Variants in HSF2 observed in about 807,000 individuals in gnomAD.
The protein encoded by HSF2 is heat shock factor protein 2.
Under a neutral mutation model 65.0 loss-of-function variants are expected in HSF2, and 21 were observed. The observed-to-expected ratio is 0.32, with a 90% CI of 0.23 to 0.47. HSF2 has a LOEUF of 0.47. Ranked by LOEUF, HSF2 falls within the 20% of genes least tolerant of loss-of-function variation. HSF2 has a pLI of 1.00. For synonymous variants in HSF2, 225 were observed against 219.1 expected (o/e 1.03, Z -0.24); for missense variants, 499 against 628.1 (o/e 0.79, Z 2.20).
At chr6:122,415,624 A>G (rs976581098) in intron 4 of HSF2, among the ~76,000 whole-genome samples, 3 of 152,152 alleles carry the variant, frequency 2.0e-5, no homozygotes, top group African/African-American at 7.2e-5. Context: ...CAGATTGTCA[A>G]AAGTAGTAAA....
In HSF2 at chr6:122,399,790, T is replaced by C; in HGVS notation, c.53T>C (p.Val18Ala). 2 of 1,612,120 alleles carry C rather than the reference T, an allele frequency of 1.2e-6. No homozygotes were observed. Among genetic ancestry groups the C allele is most frequent in the Non-Finnish European group, 1.7e-6 (2 of 1,179,210 alleles). Reference protein sequence around the residue: ...PAFLSKLWTLVEETHTNEFIT... With the variant: ...PAFLSKLWTLAEETHTNEFIT... ...TTCCTCAGCAAGCTGTGGACGCTTG[T>C]GGAGGAAACCCACACTAACGAGTTC... The change falls in exon 1 of 13, where the codon GTG (valine) becomes GCG (alanine). Residue 18 changes from valine to alanine, a missense_variant. By Grantham distance (64) the Val-to-Ala change is moderately conservative. Transcript: ENST00000368455.
Position 122,415,905 on chromosome 6 carries a change from T to A in HSF2, c.456-316T>A, listed in dbSNP as rs548673266. 3.0e-4 allele frequency among the ~76,000 whole-genome samples: 45 copies of A among 152,238 alleles called. No individual in the cohort carries two copies. The South Asian group carries it at 3.9e-3, about 13-fold the overall frequency. On this transcript the variant is annotated intron_variant, in intron 4 of 12. Coordinates refer to ENST00000368455, the MANE Select transcript of HSF2 (RefSeq NM_004506.4). ...GGTGGCACATGCCTGTAATCCCAGCTACTTAGGAAGCTGAGGCACGAGAAT... is the reference window on the plus strand; with the variant it reads ...GGTGGCACATGCCTGTAATCCCAGCAACTTAGGAAGCTGAGGCACGAGAAT...
At chr6:122,426,655 T>C (rs968732595) in intron 10 of HSF2, among the ~76,000 whole-genome samples, 5 of 152,016 alleles carry the variant, frequency 3.3e-5, no homozygotes, top group Non-Finnish European at 5.9e-5. Context: ...CCAGGGAATT[T>C]TATAGGACTA....
chr6:122,401,470 T>G (rs987091172), intron 1 of HSF2, among the ~76,000 whole-genome samples: 1 of 152,234 alleles, frequency 6.6e-6, no homozygotes, highest in Non-Finnish European at 1.5e-5. Flanking sequence ...CAGAGTATCA[T>G]GTCAGTGGTA....
At position 122,422,258 on chromosome 6, in the gene HSF2, A is replaced by T; in HGVS notation, c.790A>T (p.Ile264Phe). ...DNADEENIPV[I>F]PETNEDVISD... The stretch of plus-strand genomic sequence containing the variant: ...TGCAGATGAAGAAAATATCCCAGTT[A>T]TTCCAGAAACTAATGAGGATGTTAT... The change falls in exon 8 of 13, where the codon ATT becomes TTT. Residue 264 changes from isoleucine to phenylalanine, a missense_variant. By Grantham distance (21) the Ile-to-Phe change is conservative (BLOSUM62 0). Transcript: ENST00000368455. 1.9e-6 allele frequency: 3 copies of T among 1,600,610 alleles called. No individual in the cohort carries two copies. The highest frequency in any genetic ancestry group is 2.6e-6 in the Non-Finnish European group (3 of 1,168,506).
chr6:122,403,929 A>T (rs1033079810), intron 1 of HSF2, among the ~76,000 whole-genome samples: 1 of 152,236 alleles, frequency 6.6e-6, no homozygotes, highest in Admixed American at 6.5e-5. Context: ...ATAGTAAAAA[A>T]CAGCCTTTAC....
At chr6:122,428,551 G>A (rs1774388237) in intron 11 of HSF2, among the ~76,000 whole-genome samples, 1 of 151,902 alleles carries the variant, frequency 6.6e-6, no homozygotes, top group Admixed American at 6.6e-5. Context: ...AGTTATTAGA[G>A]CAGGTGTTTT....
In HSF2 at chr6:122,423,580, G is replaced by C; in HGVS notation, c.1071-1G>C. ...GATTAAAAAAATTTTTTTTTCCTTA[G>C]GGTTGAGCTGTTGGATTATCTTGAC... On this transcript the variant is annotated splice_acceptor_variant, in intron 9 of 12. Transcript: ENST00000368455. LOFTEE classifies it high-confidence loss of function. 1 of 1,582,086 alleles carries C rather than the reference G, an allele frequency of 6.3e-7. No individual in the cohort carries two copies. The highest frequency in any genetic ancestry group is 8.6e-7 in the Non-Finnish European group (1 of 1,161,494).
At chr6:122,419,142 A>G in intron 5 of HSF2, 26 bp from the exon 6 acceptor site, 1 of 1,110,010 alleles carries the variant, frequency 9.0e-7, no homozygotes, top group Admixed American at 1.8e-5. Flanking sequence ...GTATAATGAA[A>G]TAATTTTTGT....
chr6:122,418,272 C>T (rs1774165586), intron 5 of HSF2, among the ~76,000 whole-genome samples: 1 of 152,160 alleles, frequency 6.6e-6, no homozygotes, highest in Admixed American at 6.6e-5. Flanking sequence ...AATTTCAAGA[C>T]ATACTCTAAG....
At chr6:122,411,606 A>G (rs1773996084) in intron 1 of HSF2, among the ~76,000 whole-genome samples, 8 of 151,858 alleles carry the variant, frequency 5.3e-5, no homozygotes, top group Admixed American at 5.2e-4. Context: ...GTTTTTATAT[A>G]TGTTATCAGA....
At chr6:122,427,416 T>C (rs1385354829) in intron 10 of HSF2, among the ~76,000 whole-genome samples, 1 of 151,968 alleles carries the variant, frequency 6.6e-6, no homozygotes, top group Non-Finnish European at 1.5e-5. Context: ...AACCAACAAG[T>C]AGATATGCCA....
chr6:122,424,520 C>A (rs1190588299), intron 10 of HSF2, among the ~76,000 whole-genome samples: 1 of 152,036 alleles, frequency 6.6e-6, no homozygotes, highest in Admixed American at 6.6e-5. Flanking sequence ...ATTTCAAGTT[C>A]ATTAATTTAC....
intron 7 of HSF2, among the ~76,000 whole-genome samples, chr6:122,420,759 T>C (rs1331266855): frequency 8.6e-6 from 1 of 115,828 alleles, no homozygotes; most frequent in South Asian, 3.2e-4. Flanking sequence ...TCACCCAGCC[T>C]GGAGTGCAGT....
chr6:122,417,678 C>T (rs1486218840), intron 5 of HSF2, among the ~76,000 whole-genome samples: 2 of 152,114 alleles, frequency 1.3e-5, no homozygotes, highest in East Asian at 1.9e-4. Flanking sequence ...TTATCTTCTT[C>T]AGATAAAAAT....
chr6:122,412,535 A>G (rs1189347760), intron 2 of HSF2, 54 bp downstream of exon 2: 3 of 1,538,112 alleles, frequency 2.0e-6, no homozygotes, highest in African/African-American at 1.4e-5. Context: ...TGATGAAGCC[A>G]TTTTTTTTCC....
At chr6:122,413,737 T>C (rs1336964322) in intron 4 of HSF2, 88 bp downstream of exon 4, 2 of 1,088,456 alleles carry the variant, frequency 1.8e-6, no homozygotes, top group African/African-American at 1.6e-5. Flanking sequence ...TGATGTTTTA[T>C]TGTAAGTACT....
chr6:122,420,700 CTTTTTTTTTTTTTTTT>C (rs59305295), intron 7 of HSF2, among the ~76,000 whole-genome samples: 3 of 28,572 alleles, frequency 1.0e-4, no homozygotes, highest in Admixed American at 7.5e-4. Context: ...TTATTCATTT[CTTTTTTTTTTTTTTTT>C]TTTTTTTTTT....
intron 3 of HSF2, 23 bp downstream of exon 3, chr6:122,412,787 T>C: frequency 6.2e-7 from 1 of 1,610,474 alleles, no homozygotes; most frequent in Non-Finnish European, 8.5e-7. Flanking sequence ...GAACGTGAGC[T>C]AATTAGGGTA....
Sources: allele counts gnomAD v4.1 joint callset (sites outside exome capture counted in the v4.1 genomes callset), GRCh38; gene constraint gnomAD v4.1.1; transcripts MANE v1.5; gene names NCBI Gene and HGNC (gene_info 2026-07-23, HGNC 2026-07-21).